Variants in GLI3 observed in about 807,000 individuals in gnomAD.
GLI3 encodes the protein GLI family zinc finger 3, also known as transcription activator GLI3.
In GLI3, 20 loss-of-function variants were observed where a neutral mutation model predicts 100.8. The observed-to-expected ratio is 0.20, with a 90% confidence interval of 0.14 to 0.29. GLI3 has a LOEUF of 0.29. Among genes scored for constraint, GLI3 ranks in the 10% least tolerant of loss-of-function variants. GLI3 has a pLI of 1.00. For missense variants in GLI3, 2,040 were observed against 2,128.5 expected (o/e 0.96, Z 0.82); for synonymous variants, 938 against 860.5 (o/e 1.09, Z -1.58).
chr7:42,123,757 G>A (rs886344616), intron 3 of GLI3, among the ~76,000 whole-genome samples: 1 of 151,914 alleles, frequency 6.6e-6, no homozygotes, highest in Non-Finnish European at 1.5e-5. Flanking sequence ...TTTTAAGACG[G>A]AAAATGTAAG....
chr7:42,042,243 T>C (rs573924341), intron 6 of GLI3, among the ~76,000 whole-genome samples: 35 of 152,216 alleles, frequency 2.3e-4, no homozygotes, highest in African/African-American at 8.4e-4. Context: ...CTCGATCTCT[T>C]GACCTTGTGA....
intron 1 of GLI3, among the ~76,000 whole-genome samples, chr7:42,224,164 C>T (rs1156629893): frequency 6.6e-6 from 1 of 152,138 alleles, no homozygotes; most frequent in Non-Finnish European, 1.5e-5. Flanking sequence ...TGTTCTACAC[C>T]TACAAAGAAT....
intron 2 of GLI3, among the ~76,000 whole-genome samples, chr7:42,188,194 T>C (rs999668603): frequency 2.0e-5 from 3 of 152,072 alleles, no homozygotes; most frequent in African/African-American, 4.8e-5. Context: ...AGTATGGGCC[T>C]GCAAACACCT....
At chr7:42,053,293 G>A (rs975048847) in intron 4 of GLI3, among the ~76,000 whole-genome samples, 3 of 152,292 alleles carry the variant, frequency 2.0e-5, no homozygotes, top group South Asian at 2.1e-4. Flanking sequence ...CATGGCTCCC[G>A]GCCCAATTAT....
At chr7:42,041,367 G>A (rs147279016) in intron 6 of GLI3, among the ~76,000 whole-genome samples, 261 of 152,316 alleles carry the variant, frequency 1.7e-3, no homozygotes, top group Non-Finnish European at 2.8e-3. Context: ...AAATTTGGTA[G>A]ATATTAGAGA....
In GLI3 at chr7:42,153,249, G is replaced by A. The variant is rs79749346; in HGVS notation, c.125-4781C>T. ...ATTTGAAAAGAAGGTAATTGTGCTC[G>A]CAGTCTCCCTGATCAGAGCTTACGT... On this transcript the variant is annotated intron_variant, in intron 2 of 14. Transcript: ENST00000395925. Among the ~76,000 whole-genome samples, 196 of 152,184 alleles carry A rather than the reference G, an allele frequency of 1.3e-3. 2 individuals carry two copies. The highest frequency in any genetic ancestry group is 4.1e-3 in the African/African-American group (171 of 41,512).
chr7:42,094,035 A>G (rs557458454), intron 3 of GLI3, among the ~76,000 whole-genome samples: 1 of 152,098 alleles, frequency 6.6e-6, no homozygotes, highest in East Asian at 1.9e-4. Flanking sequence ...GTCAAGCAGG[A>G]GATGAGGAGA....
Position 42,040,110 on chromosome 7 carries a change from G to A in GLI3, c.956C>T (p.Thr319Met), listed in dbSNP as rs749466789. The A allele has an allele frequency of 9.3e-6, 15 of 1,614,068 alleles. No homozygotes were observed. Among genetic ancestry groups the A allele is most frequent in the Admixed American group, 3.3e-5 (2 of 60,020 alleles). Residue 319 changes from threonine (T) to methionine (M), a missense_variant, in exon 7 of 15, where the codon ACG becomes ATG. Coordinates refer to ENST00000395925, the MANE Select transcript of GLI3 (RefSeq NM_000168.6). ...MIRTSPNSLV[T>M]ILNNSRSSSS... The stretch of plus-strand genomic sequence containing the variant: ...GCTGCTACGGGAATTATTGAGAATC[G>A]TGACCAAGGAGTTGGGAGACGTCCT...
In GLI3 at chr7:41,965,396, G is replaced by A; in HGVS notation, c.3677C>T (p.Pro1226Leu). The A allele has an allele frequency of 1.2e-6, 2 of 1,611,414 alleles. No homozygotes were observed. The highest frequency in any genetic ancestry group is 1.7e-6 in the Non-Finnish European group (2 of 1,178,866). Residue 1226 changes from proline (P) to leucine (L), a missense_variant, in exon 15 of 15, where the codon CCA becomes CTA. By Grantham distance (98) the Pro-to-Leu change is moderately conservative (BLOSUM62 -3). Coordinates refer to ENST00000395925, the MANE Select transcript of GLI3 (RefSeq NM_000168.6). Reference sequence around the variant, plus strand: ...GCTGTTGTGGAGCATCAAGTGCTCTGGGCCACCGTAGGGGTTGCTGTTCTC... The same window carrying A: ...GCTGTTGTGGAGCATCAAGTGCTCTAGGCCACCGTAGGGGTTGCTGTTCTC... ...LGENSNPYGG[P>L]EHLMLHNSPG... is the part of the protein sequence containing the mutation.
At chr7:42,150,890 G>C (rs572208848) in intron 2 of GLI3, among the ~76,000 whole-genome samples, 1 of 152,264 alleles carries the variant, frequency 6.6e-6, no homozygotes, top group South Asian at 2.1e-4. Context: ...AACCTCTTGA[G>C]AGAATAAACT....
intron 4 of GLI3, among the ~76,000 whole-genome samples, chr7:42,070,762 A>G (rs761146832): frequency 6.6e-6 from 1 of 152,082 alleles, no homozygotes; most frequent in Non-Finnish European, 1.5e-5. Context: ...TGATATTGCT[A>G]TGGTCTTCTT....
intron 10 of GLI3, among the ~76,000 whole-genome samples, chr7:42,022,058 A>C (rs558428879): frequency 7.2e-5 from 11 of 152,370 alleles, no homozygotes; most frequent in African/African-American, 2.4e-4. Context: ...AATTAAGTTC[A>C]TGGAAAAATT....
intron 1 of GLI3, among the ~76,000 whole-genome samples, chr7:42,252,043 C>A (rs1029406848): frequency 6.6e-6 from 1 of 152,122 alleles, no homozygotes; most frequent in African/African-American, 2.4e-5. Flanking sequence ...ACCATAAAGA[C>A]AAATGCACAC....
At chr7:42,190,086 C>A (rs1787796471) in intron 2 of GLI3, among the ~76,000 whole-genome samples, 2 of 146,818 alleles carry the variant, frequency 1.4e-5, no homozygotes, top group African/African-American at 2.5e-5. Context: ...ATAATATTAC[C>A]AACAGTCATT....
intron 4 of GLI3, among the ~76,000 whole-genome samples, chr7:42,051,174 G>A (rs1222868259): frequency 6.6e-6 from 1 of 152,188 alleles, no homozygotes; most frequent in African/African-American, 2.4e-5. Flanking sequence ...AGCAACAGTG[G>A]AAAGGAGGGT....
At chr7:42,000,059 CT>C (rs1199723169) in intron 10 of GLI3, among the ~76,000 whole-genome samples, 1 of 152,228 alleles carries the variant, frequency 6.6e-6, no homozygotes, top group Non-Finnish European at 1.5e-5. Context: ...AATCACAGAA[CT>C]GGTTCAGGCT....
chr7:42,079,262 G>A (rs1320534670), intron 3 of GLI3, among the ~76,000 whole-genome samples: 1 of 152,152 alleles, frequency 6.6e-6, no homozygotes, highest in South Asian at 2.1e-4. Flanking sequence ...ACCCTCTGTA[G>A]AGCCAAACAT....
At position 41,963,553 on chromosome 7, in the gene GLI3, G is replaced by A. The variant is rs1787064121; in HGVS notation, c.*777C>T. On this transcript the variant is annotated 3_prime_UTR_variant, in exon 15 of 15. Coordinates refer to ENST00000395925, the MANE Select transcript of GLI3 (RefSeq NM_000168.6). Reference sequence around the variant, plus strand: ...CGAAACAGCACTGAATGTTCATGAAGGTAGTGGGAGGAGAGGCAAATGTGA... The same window carrying A: ...CGAAACAGCACTGAATGTTCATGAAAGTAGTGGGAGGAGAGGCAAATGTGA... 6.6e-6 allele frequency: 1 copy of A among 152,232 alleles called. No individual in the cohort carries two copies. Among genetic ancestry groups the A allele is most frequent in the African/African-American group, 2.4e-5 (1 of 41,432 alleles). The allele number at this position is 152,232 out of a possible 1,614,324, so 9.4% of individuals were successfully genotyped here.
chr7:42,067,873 G>A (rs1784707160), intron 4 of GLI3, among the ~76,000 whole-genome samples: 1 of 152,224 alleles, frequency 6.6e-6, no homozygotes, highest in Non-Finnish European at 1.5e-5. Context: ...TCCATTCCCT[G>A]TAAGAGTCCC....
Sources: allele counts gnomAD v4.1 joint callset (sites outside exome capture counted in the v4.1 genomes callset), GRCh38; gene constraint gnomAD v4.1.1; transcripts MANE v1.5; gene names NCBI Gene and HGNC (gene_info 2026-07-23, HGNC 2026-07-21).